The following LAMC1 variants were observed in gnomAD, a reference collection of about 807,000 sequenced individuals.
LAMC1 encodes the protein laminin subunit gamma 1, also known as laminin subunit gamma-1.
A neutral mutation model predicts 173.6 loss-of-function variants in LAMC1; 38 were observed. The observed-to-expected ratio is 0.22, with a 90% confidence interval of 0.17 to 0.29. The LOEUF is 0.29. LAMC1 is among the 10% of genes least tolerant of loss of function. The pLI, the probability that LAMC1 is intolerant of heterozygous loss-of-function variation, is 1.00. For synonymous variants in LAMC1, 746 were observed against 749.1 expected (o/e 1.00, Z 0.07); for missense variants, 1,824 against 2,051.8 (o/e 0.89, Z 2.14).
intron 1 of LAMC1, among the ~76,000 whole-genome samples, chr1:183,070,655 T>A (rs550445827): frequency 5.3e-5 from 8 of 152,350 alleles, no homozygotes; most frequent in Non-Finnish European, 1.2e-4. Flanking sequence ...TCATATTTTT[T>A]ATTTGGGGCT....
At chr1:183,058,901 T>C (rs1408353411) in intron 1 of LAMC1, among the ~76,000 whole-genome samples, 6 of 152,246 alleles carry the variant, frequency 3.9e-5, no homozygotes, top group African/African-American at 1.4e-4. Flanking sequence ...TCAGCTGCAA[T>C]CAAAGCAGCA....
At chr1:183,079,503 G>A (rs1332227233) in intron 1 of LAMC1, among the ~76,000 whole-genome samples, 1 of 151,660 alleles carries the variant, frequency 6.6e-6, no homozygotes, top group East Asian at 1.9e-4. Flanking sequence ...TGATCTGCCT[G>A]CCTTGGCCTC....
chr1:183,030,693 T>C (rs1052841083), intron 1 of LAMC1, among the ~76,000 whole-genome samples: 7 of 152,202 alleles, frequency 4.6e-5, no homozygotes, highest in Admixed American at 4.6e-4. Flanking sequence ...ATGACTGTCC[T>C]TTTTTGGGTA....
In LAMC1 at chr1:183,116,686, C is replaced by G; in HGVS notation, c.1427+11C>G. Reference sequence around the variant, plus strand: ...CTTCAATTGTGAAAGGTAGTGCATTCTTTCTCTAGCTGCATTGTGTTTTCT... The same window carrying G: ...CTTCAATTGTGAAAGGTAGTGCATTGTTTCTCTAGCTGCATTGTGTTTTCT... On this transcript the variant is annotated intron_variant, in intron 7 of 27. Transcript: ENST00000258341. The G allele has an allele frequency of 6.2e-7, 1 of 1,608,944 alleles. No individual in the cohort carries two copies. Among genetic ancestry groups the G allele is most frequent in the Non-Finnish European group, 8.5e-7 (1 of 1,175,464 alleles).
chr1:183,120,410 C>G (rs564126716), intron 11 of LAMC1, among the ~76,000 whole-genome samples: 3 of 152,198 alleles, frequency 2.0e-5, no homozygotes, highest in South Asian at 2.1e-4. Flanking sequence ...AAAGCCATAT[C>G]TCATGACCTA....
At position 183,055,290 on chromosome 1, in the gene LAMC1, A is replaced by G. The variant is rs182466421; in HGVS notation, c.418+31156A>G. Among the ~76,000 whole-genome samples the G allele has an allele frequency of 6.7e-4, 101 of 151,736 alleles. 1 individual carries two copies. Among genetic ancestry groups the G allele is most frequent in the Middle Eastern group, 3.4e-3 (1 of 292 alleles). ...CAGGTATGAGCCACCGCGCCCGGAC[A>G]CATCCTTTCTTTATCATTTCTCTTC... On this transcript the variant is annotated intron_variant, in intron 1 of 27. Coordinates refer to ENST00000258341, the MANE Select transcript of LAMC1 (RefSeq NM_002293.4).
intron 1 of LAMC1, among the ~76,000 whole-genome samples, chr1:183,029,407 C>A (rs918030493): frequency 6.6e-6 from 1 of 152,192 alleles, no homozygotes; most frequent in Non-Finnish European, 1.5e-5. Context: ...GGGCAGCCAT[C>A]CTTTGGACTG....
rs1347145311 is a variant in LAMC1 at position 183,122,458 on chromosome 1, G to A, written c.2401+207G>A. 5.3e-5 allele frequency among the ~76,000 whole-genome samples: 8 copies of A among 152,096 alleles called. No homozygotes were observed. The South Asian group carries it at 6.2e-4, about 12-fold the overall frequency. On this transcript the variant is annotated intron_variant, in intron 13 of 27. Transcript: ENST00000258341. ...GATTGTCTCCATCTGTCAACCAAGG[G>A]CTTTCATGTCACCTTGATCTACCGT...
At chr1:183,127,843 A>C (rs557531313) in intron 17 of LAMC1, among the ~76,000 whole-genome samples, 1 of 152,266 alleles carries the variant, frequency 6.6e-6, no homozygotes, top group South Asian at 2.1e-4. Flanking sequence ...GACAGGTTAT[A>C]TGGGAACATG....
rs374095574 is a variant in LAMC1 at position 183,121,713 on chromosome 1, C to T, written c.1991-10C>T. On this transcript the variant is annotated splice_polypyrimidine_tract_variant and intron_variant, in intron 11 of 27. Coordinates refer to ENST00000258341, the MANE Select transcript of LAMC1 (RefSeq NM_002293.4). ...CAGTTCAGTGATTTTCTTTTCCTCACTATACACAGGTGCTGGATATTTGGA... is the reference window on the plus strand; with the variant it reads ...CAGTTCAGTGATTTTCTTTTCCTCATTATACACAGGTGCTGGATATTTGGA... The T allele has an allele frequency of 2.5e-6, 4 of 1,609,322 alleles. No homozygotes were observed. Among genetic ancestry groups the T allele is most frequent in the Non-Finnish European group, 3.4e-6 (4 of 1,177,382 alleles).
Position 183,126,234 on chromosome 1 carries a change from C to T in LAMC1, c.2916C>T (p.His972=), listed in dbSNP as rs1656616462. ...GQHCERCEVN[H]FGFGPEGCKP... ...ACTGTGAGCGCTGTGAGGTCAACCA[C>T]TTTGGGTTTGGACCTGAAGGCTGCA... The change falls in exon 16 of 28, where the codon CAC becomes CAT. Residue 972 remains histidine, a synonymous_variant. Transcript: ENST00000258341. The T allele has an allele frequency of 6.2e-7, 1 of 1,614,096 alleles. No homozygotes were observed. Among genetic ancestry groups the T allele is most frequent in the South Asian group, 1.1e-5 (1 of 91,068 alleles).
At position 183,024,111 on chromosome 1, in the gene LAMC1, C is replaced by G. The variant is rs1423815622; in HGVS notation, c.395C>G (p.Ser132Cys). Residue 132 changes from serine (S) to cysteine (C), a missense_variant, in exon 1 of 28, where the codon TCC becomes TGC. Transcript: ENST00000258341. Reference protein sequence around the residue: ...TMLAGVQYPSSINLTLHLGKA... With the variant: ...TMLAGVQYPSCINLTLHLGKA... Reference sequence around the variant, plus strand: ...CTGGCCGGGGTGCAGTACCCCAGCTCCATCAACCTCACGCTGCACCTGGGT... The same window carrying G: ...CTGGCCGGGGTGCAGTACCCCAGCTGCATCAACCTCACGCTGCACCTGGGT... 1.3e-6 allele frequency: 2 copies of G among 1,598,398 alleles called. No homozygotes were observed. The highest frequency in any genetic ancestry group is 2.3e-5 in the South Asian group (2 of 88,788).
chr1:183,120,388 A>AC lies in LAMC1; in HGVS notation c.1991-1334dup, dbSNP rs61555404. Among the ~76,000 whole-genome samples, 652 of 152,278 alleles carry AC rather than the reference A, an allele frequency of 4.3e-3. 3 individuals are homozygous for AC. The highest frequency in any genetic ancestry group is 0.015 in the African/African-American group (606 of 41,546). On this transcript the variant is annotated intron_variant, in intron 11 of 27. Coordinates refer to ENST00000258341, the MANE Select transcript of LAMC1 (RefSeq NM_002293.4). ...CTTAAGGATGTTTAGAATTGGAAGC[A>AC]CAGTAACCAATAAAGCCATATCTCA...
At chr1:183,081,168 G>C (rs1485039061) in intron 1 of LAMC1, among the ~76,000 whole-genome samples, 1 of 152,124 alleles carries the variant, frequency 6.6e-6, no homozygotes, top group Non-Finnish European at 1.5e-5. Context: ...GATTATAGGC[G>C]TCAGCCACCG....
chr1:183,084,750 G>A (rs775421676), intron 1 of LAMC1, among the ~76,000 whole-genome samples: 8 of 152,118 alleles, frequency 5.3e-5, no homozygotes, highest in Non-Finnish European at 1.0e-4. Flanking sequence ...GTTTCCTTAC[G>A]ACGCATCCTT....
chr1:183,026,995 C>T (rs543605147), intron 1 of LAMC1, among the ~76,000 whole-genome samples: 28 of 152,150 alleles, frequency 1.8e-4, no homozygotes, highest in Non-Finnish European at 3.5e-4. Context: ...ATTTTTCATG[C>T]ATACACATGT....
At chr1:183,074,747 A>G (rs1027867946) in intron 1 of LAMC1, among the ~76,000 whole-genome samples, 3 of 152,144 alleles carry the variant, frequency 2.0e-5, no homozygotes, top group Non-Finnish European at 4.4e-5. Flanking sequence ...TATACCTTTA[A>G]TCCCCAATCT....
At chr1:183,117,804 G>C in intron 10 of LAMC1, 81 bp downstream of exon 10, 1 of 1,267,080 alleles carries the variant, frequency 7.9e-7, no homozygotes, top group Admixed American at 2.2e-5. Context: ...CTGGCCTCTA[G>C]ATGTATTTTA....
chr1:183,106,400 G>A (rs577257341), intron 2 of LAMC1, among the ~76,000 whole-genome samples: 20 of 152,304 alleles, frequency 1.3e-4, no homozygotes, highest in East Asian at 5.8e-4. Flanking sequence ...TGAAATCGTC[G>A]TCTCTTTTCC....
Sources: allele counts gnomAD v4.1 joint callset (sites outside exome capture counted in the v4.1 genomes callset), GRCh38; gene constraint gnomAD v4.1.1; transcripts MANE v1.5; gene names NCBI Gene and HGNC (gene_info 2026-07-23, HGNC 2026-07-21).